NRP2: variants seen among roughly 807,000 people sequenced by gnomAD.
NRP2 encodes the protein neuropilin-2.
A neutral mutation model predicts 110.4 loss-of-function variants in NRP2; 52 were observed. That is an observed-to-expected ratio of 0.47 (90% CI 0.38 to 0.59). The LOEUF (loss-of-function observed/expected upper bound fraction) is 0.59. Ranked by LOEUF, NRP2 falls within the 20% of genes least tolerant of loss-of-function variation. The pLI is 0.00. For synonymous variants in NRP2, 508 were observed against 468.9 expected, an observed-to-expected ratio of 1.08 and a Z score of -1.08; for missense variants, 1,049 against 1,203.0, an observed-to-expected ratio of 0.87 and a Z score of 1.89.
rs942581433 is a variant in NRP2 at position 205,686,776 on chromosome 2, G to A, written c.73+3413G>A. On this transcript the variant is annotated intron_variant, in intron 1 of 16. Transcript: ENST00000357785. This position sits in a 1 kb window ranked among gnomAD's most constrained non-coding sequence, Gnocchi z 4.7. The stretch of plus-strand genomic sequence containing the variant: ...TTCTTCTAAAAGATAGGAGATCCAC[G>A]CTCAGGTTTATTGGCGTGTGCTCCC... 1.3e-5 allele frequency among the ~76,000 whole-genome samples: 2 copies of A among 152,084 alleles called. No homozygotes were observed. The highest frequency in any genetic ancestry group is 2.9e-5 in the Non-Finnish European group (2 of 68,006).
intron 2 of NRP2, among the ~76,000 whole-genome samples, chr2:205,706,999 T>C (rs1373181214): frequency 6.6e-6 from 1 of 152,224 alleles, no homozygotes; most frequent in Non-Finnish European, 1.5e-5. Context: ...ACAGCTCCCA[T>C]CCTGCTTAGA....
Position 205,700,247 on chromosome 2 carries a change from C to G in NRP2, c.251+2526C>G, listed in dbSNP as rs146113714. Among the ~76,000 whole-genome samples the G allele has an allele frequency of 1.7e-4, 26 of 152,346 alleles. No homozygotes were observed. The East Asian group carries it at 4.8e-3, about 28-fold the overall frequency. On this transcript the variant is annotated intron_variant, in intron 2 of 16. Transcript: ENST00000357785. ...AGCTCCTGGGTTTGGAAAGCACTCA[C>G]TCTCCAAGGAAATTAGCCTGCTTTC...
At chr2:205,749,684 G>A in intron 10 of NRP2, 41 bp from the exon 11 acceptor site, 3 of 1,524,542 alleles carry the variant, frequency 2.0e-6, no homozygotes, top group Non-Finnish European at 2.7e-6. Flanking sequence ...TGCAACACAG[G>A]CTGCTACAGC....
chr2:205,787,160 G>A (rs977351872), intron 15 of NRP2, among the ~76,000 whole-genome samples: 2 of 152,146 alleles, frequency 1.3e-5, no homozygotes, highest in African/African-American at 4.8e-5. Context: ...AGAGACCCAG[G>A]GAGGTCAATG....
chr2:205,753,119 C>T, intron 12 of NRP2, 144 bp downstream of exon 12: 1 of 1,111,158 alleles, frequency 9.0e-7, no homozygotes, highest in South Asian at 1.3e-5. Context: ...ACAGTCTTTG[C>T]TCAAGACGTC....
intron 10 of NRP2, among the ~76,000 whole-genome samples, chr2:205,749,149 C>T (rs1304923703): frequency 6.6e-6 from 1 of 152,198 alleles, no homozygotes; most frequent in South Asian, 2.1e-4. Flanking sequence ...ATGGAGGCCA[C>T]CTTTAAACCA....
chr2:205,740,756 T>C, intron 8 of NRP2, 93 bp downstream of exon 8: 1 of 1,448,850 alleles, frequency 6.9e-7, no homozygotes, highest in Non-Finnish European at 9.5e-7. Flanking sequence ...CTGCACCACA[T>C]GACCTTCCCA....
At chr2:205,705,898 T>C (rs1302053572) in intron 2 of NRP2, among the ~76,000 whole-genome samples, 1 of 152,090 alleles carries the variant, frequency 6.6e-6, no homozygotes, top group African/African-American at 2.4e-5. Flanking sequence ...TCTTTTCCTT[T>C]TCTCTTTTTA....
chr2:205,719,824 G>A (rs922173611), intron 3 of NRP2, among the ~76,000 whole-genome samples: 5 of 152,128 alleles, frequency 3.3e-5, no homozygotes, highest in African/African-American at 1.2e-4. Flanking sequence ...AATTCACAGC[G>A]GAAAAACAGA....
chr2:205,722,839 T>G, intron 4 of NRP2, 131 bp downstream of exon 4: 1 of 719,882 alleles, frequency 1.4e-6, no homozygotes, highest in Non-Finnish European at 2.5e-6. Flanking sequence ...TGACTTTCTC[T>G]TCTTCCCCTT....
intron 15 of NRP2, among the ~76,000 whole-genome samples, chr2:205,775,798 T>C (rs1425219751): frequency 6.6e-6 from 1 of 152,178 alleles, no homozygotes; most frequent in Non-Finnish European, 1.5e-5. Context: ...GTCAGCATCA[T>C]TTACTTGTAT....
intron 7 of NRP2, among the ~76,000 whole-genome samples, chr2:205,729,665 G>A (rs1309522669): frequency 6.6e-6 from 1 of 152,202 alleles, no homozygotes; most frequent in Non-Finnish European, 1.5e-5. Context: ...TTAAAAGCAT[G>A]CAGATGGACC....
chr2:205,713,676 T>G (rs1041907995), intron 2 of NRP2, among the ~76,000 whole-genome samples: 1 of 152,174 alleles, frequency 6.6e-6, no homozygotes, highest in Non-Finnish European at 1.5e-5. Flanking sequence ...AACAAAAAAT[T>G]CTAGACCTGC....
At chr2:205,752,187 G>A (rs2057658374) in intron 11 of NRP2, among the ~76,000 whole-genome samples, 1 of 152,228 alleles carries the variant, frequency 6.6e-6, no homozygotes, top group Non-Finnish European at 1.5e-5. Flanking sequence ...GAGCTGAGAA[G>A]CTGGCTGGTC....
At chr2:205,702,421 A>G (rs2056579517) in intron 2 of NRP2, among the ~76,000 whole-genome samples, 1 of 152,204 alleles carries the variant, frequency 6.6e-6, no homozygotes, top group Non-Finnish European at 1.5e-5. Flanking sequence ...CAAGTGACAA[A>G]GCGTAAGAGC....
Position 205,752,926 on chromosome 2 carries a change from C to A in NRP2, c.1995C>A (p.Leu665=). Residue 665 remains leucine, a synonymous_variant, in exon 12 of 17, where the codon CTC becomes CTA. Coordinates refer to ENST00000357785, the MANE Select transcript of NRP2 (RefSeq NM_003872.3). ...GGATGTATGACCATGCCAAGTGGCT[C>A]CGGACCACCTGGGCCAGCAGCTCCA... The part of the protein sequence containing the change: ...CGWMYDHAKW[L]RTTWASSSSP... The A allele has an allele frequency of 1.2e-6, 2 of 1,614,132 alleles. No individual in the cohort carries two copies. The highest frequency in any genetic ancestry group is 1.7e-6 in the Non-Finnish European group (2 of 1,180,038).
chr2:205,781,522 G>A (rs1257158427), intron 15 of NRP2, among the ~76,000 whole-genome samples: 1 of 152,144 alleles, frequency 6.6e-6, no homozygotes, highest in African/African-American at 2.4e-5. Context: ...CCCTCTTCAC[G>A]GCCTCTGCAG....
intron 15 of NRP2, among the ~76,000 whole-genome samples, chr2:205,788,310 T>G (rs1278810261): frequency 6.6e-6 from 1 of 152,182 alleles, no homozygotes; most frequent in Non-Finnish European, 1.5e-5. Flanking sequence ...CTGTGCCCAC[T>G]TGATTACTCA....
intron 15 of NRP2, among the ~76,000 whole-genome samples, chr2:205,770,386 C>T (rs141843970): frequency 2.6e-4 from 40 of 152,208 alleles, no homozygotes; most frequent in Middle Eastern, 3.4e-3. Flanking sequence ...TTAAGAGAGG[C>T]CCATTTTGGG....
Sources: allele counts gnomAD v4.1 joint callset (sites outside exome capture counted in the v4.1 genomes callset), GRCh38; gene constraint gnomAD v4.1.1; non-coding constraint Gnocchi (gnomAD v3.1); transcripts MANE v1.5; gene names NCBI Gene and HGNC (gene_info 2026-07-23, HGNC 2026-07-21).